Variants in ITSN1 observed in about 807,000 individuals in gnomAD.
ITSN1 encodes the protein intersectin 1.
Under a neutral mutation model 239.8 loss-of-function variants are expected in ITSN1, and 58 were observed. That is an observed-to-expected ratio of 0.24 (90% CI 0.20 to 0.30). The LOEUF (loss-of-function observed/expected upper bound fraction) is 0.30, where lower values mean the gene tolerates loss of function less well. Among genes scored for constraint, ITSN1 ranks in the 10% least tolerant of loss-of-function variants. ITSN1 has a pLI of 1.00. For missense variants in ITSN1, 1,558 were observed against 2,103.3 expected (o/e 0.74, Z 5.07); for synonymous variants, 780 against 770.8 (o/e 1.01, Z -0.20).
intron 33 of ITSN1, 21 bp downstream of exon 33, chr21:33,867,352 T>G (rs780702281): frequency 7.2e-7 from 1 of 1,389,052 alleles, no homozygotes; most frequent in Non-Finnish European, 1.0e-6. Flanking sequence ...GTCTTGCCTT[T>G]TCAAGCAGGG....
At chr21:33,667,063 C>A (rs1006549274) in intron 1 of ITSN1, among the ~76,000 whole-genome samples, 8 of 151,988 alleles carry the variant, frequency 5.3e-5, no homozygotes, top group African/African-American at 1.9e-4. Context: ...AGTGATCCAC[C>A]CCCATCTCGG....
At chr21:33,698,687 G>A (rs954904869) in intron 1 of ITSN1, among the ~76,000 whole-genome samples, 2 of 152,100 alleles carry the variant, frequency 1.3e-5, no homozygotes, top group East Asian at 1.9e-4. Context: ...TCCATTTTTT[G>A]TCTCGCTTTC....
intron 5 of ITSN1, among the ~76,000 whole-genome samples, chr21:33,748,642 C>T (rs116847979): frequency 4.0e-5 from 6 of 151,480 alleles, no homozygotes; most frequent in East Asian, 1.9e-4. Flanking sequence ...AAGTTCGAGA[C>T]GAGCTCAGGC....
chr21:33,843,450 G>A (rs1047657582), intron 29 of ITSN1, among the ~76,000 whole-genome samples: 1 of 152,190 alleles, frequency 6.6e-6, no homozygotes, highest in Non-Finnish European at 1.5e-5. Context: ...GGGCGAGTTT[G>A]CCAGGCGCTC....
At chr21:33,886,178 C>T (rs1369100366) in intron 38 of ITSN1, 109 bp from the exon 39 acceptor site, 20 of 913,540 alleles carry the variant, frequency 2.2e-5, no homozygotes, top group Non-Finnish European at 3.3e-5. Flanking sequence ...TACCACTGCA[C>T]TGCAGCCTGG....
chr21:33,870,786 G>A lies in ITSN1; in HGVS notation c.4173+3455G>A, dbSNP rs188685624. Among the ~76,000 whole-genome samples, 29 of 152,260 alleles carry A rather than the reference G, an allele frequency of 1.9e-4. No individual in the cohort carries two copies. In the East Asian group the frequency reaches 2.5e-3, roughly 13 times the overall value. On this transcript the variant is annotated intron_variant, in intron 33 of 39. Coordinates refer to ENST00000381318, the MANE Select transcript of ITSN1 (RefSeq NM_003024.3). The stretch of plus-strand genomic sequence containing the variant: ...ACTAAAAACACAGAAAAAATTAGCC[G>A]GGAGTGATGGTGTGTCAGGTTTGAG...
intron 1 of ITSN1, among the ~76,000 whole-genome samples, chr21:33,659,623 A>G (rs1303072896): frequency 6.6e-6 from 1 of 150,946 alleles, no homozygotes; most frequent in Non-Finnish European, 1.5e-5. Flanking sequence ...TAGACTTAGT[A>G]CCTGCCCTTA....
At chr21:33,725,854 C>CCGAT (rs772831301) in intron 4 of ITSN1, among the ~76,000 whole-genome samples, 83 of 152,286 alleles carry the variant, frequency 5.5e-4, no homozygotes, top group Admixed American at 9.8e-4. Context: ...CCACTGATAT[C>CCGAT]CTGCCCAGAT....
intron 1 of ITSN1, among the ~76,000 whole-genome samples, chr21:33,658,675 G>T (rs147523564): frequency 1.3e-5 from 2 of 152,258 alleles, no homozygotes; most frequent in African/African-American, 4.8e-5. Context: ...TACATCTAGA[G>T]CATTGCTCAC....
At chr21:33,737,922 C>A (rs1270011966) in intron 5 of ITSN1, among the ~76,000 whole-genome samples, 1 of 152,122 alleles carries the variant, frequency 6.6e-6, no homozygotes, top group Non-Finnish European at 1.5e-5. Flanking sequence ...GTGGCTCATA[C>A]CTGTAATCTC....
chr21:33,755,421 A>G, intron 8 of ITSN1, 24 bp downstream of exon 8: 3 of 1,267,724 alleles, frequency 2.4e-6, no homozygotes, highest in South Asian at 2.5e-5. Context: ...AAAATTAGTG[A>G]AATATGATCT....
In ITSN1 at chr21:33,806,862, G is replaced by A. The variant is rs546441349; in HGVS notation, c.2320-4113G>A. On this transcript the variant is annotated intron_variant, in intron 20 of 39. Transcript: ENST00000381318. Reference sequence around the variant, plus strand: ...AACCAGTCATATTACAAAGCAGTTTGTGTTCCTATTTCTTGGTCTGCCATA... The same window carrying A: ...AACCAGTCATATTACAAAGCAGTTTATGTTCCTATTTCTTGGTCTGCCATA... 2.6e-5 allele frequency among the ~76,000 whole-genome samples: 4 copies of A among 152,286 alleles called. No homozygotes were observed. The South Asian group carries it at 6.2e-4, about 24-fold the overall frequency.
At chr21:33,717,623 T>A (rs1044809844) in intron 1 of ITSN1, among the ~76,000 whole-genome samples, 1 of 152,062 alleles carries the variant, frequency 6.6e-6, no homozygotes, top group African/African-American at 2.4e-5. Context: ...GGGTGCAATC[T>A]CGGCTCACTG....
intron 1 of ITSN1, among the ~76,000 whole-genome samples, chr21:33,717,353 C>A (rs1038530514): frequency 6.6e-6 from 1 of 151,770 alleles, no homozygotes; most frequent in Non-Finnish European, 1.5e-5. Flanking sequence ...CATGCAACCA[C>A]GCCTGGCTAA....
intron 4 of ITSN1, among the ~76,000 whole-genome samples, chr21:33,724,290 T>TA (rs1361140538): frequency 5.9e-5 from 9 of 152,324 alleles, no homozygotes; most frequent in Admixed American, 5.2e-4. Flanking sequence ...CTATTAGAGC[T>TA]AAAAAATCAG....
chr21:33,801,675 G>C (rs1302275294), intron 19 of ITSN1, among the ~76,000 whole-genome samples: 1 of 152,042 alleles, frequency 6.6e-6, no homozygotes, highest in African/African-American at 2.4e-5. Context: ...TGTTGCCCAG[G>C]CTCCAGATCT....
intron 33 of ITSN1, among the ~76,000 whole-genome samples, chr21:33,872,279 A>G (rs1216938639): frequency 6.6e-6 from 1 of 152,232 alleles, no homozygotes; most frequent in Non-Finnish European, 1.5e-5. Context: ...TAAGGAAATA[A>G]TTTAAGAAAT....
intron 9 of ITSN1, among the ~76,000 whole-genome samples, chr21:33,763,816 T>C (rs1399199603): frequency 1.3e-5 from 2 of 152,238 alleles, no homozygotes; most frequent in Non-Finnish European, 2.9e-5. Context: ...GTGCATGTTA[T>C]AGCTGTATGT....
chr21:33,678,786 T>C (rs1485729324), intron 1 of ITSN1, among the ~76,000 whole-genome samples: 2 of 152,202 alleles, frequency 1.3e-5, no homozygotes, highest in Non-Finnish European at 2.9e-5. Context: ...CAATCATGGC[T>C]CACTGCAACC....
Sources: allele counts gnomAD v4.1 joint callset (sites outside exome capture counted in the v4.1 genomes callset), GRCh38; gene constraint gnomAD v4.1.1; transcripts MANE v1.5; gene names NCBI Gene and HGNC (gene_info 2026-07-23, HGNC 2026-07-21).